Variants in ATRNL1 observed in about 807,000 individuals in gnomAD.
The protein encoded by ATRNL1 is attractin like 1.
Under a neutral mutation model 182.7 loss-of-function variants are expected in ATRNL1, and 95 were observed. The observed-to-expected ratio is 0.52, with a 90% CI of 0.44 to 0.62. ATRNL1 has a LOEUF of 0.62. Ranked by LOEUF, ATRNL1 falls within the 20% of genes least tolerant of loss-of-function variation. The pLI is 0.00. For missense variants in ATRNL1, 1,471 were observed against 1,679.5 expected (o/e 0.88, Z 2.17); for synonymous variants, 576 against 568.3 (o/e 1.01, Z -0.19).
chr10:115,307,255 G>GT (rs1282747721), intron 17 of ATRNL1, among the ~76,000 whole-genome samples: 1 of 151,824 alleles, frequency 6.6e-6, no homozygotes, highest in Non-Finnish European at 1.5e-5. Flanking sequence ...ATTTCACAGG[G>GT]TTTTTTTGTT....
At chr10:115,639,031 C>T (rs1376268819) in intron 26 of ATRNL1, among the ~76,000 whole-genome samples, 2 of 152,042 alleles carry the variant, frequency 1.3e-5, no homozygotes, top group Non-Finnish European at 2.9e-5. Flanking sequence ...AATACAGAAA[C>T]CTACAGGTCC....
At chr10:115,336,982 G>GA (rs527762406) in intron 19 of ATRNL1, among the ~76,000 whole-genome samples, 3 of 146,944 alleles carry the variant, frequency 2.0e-5, no homozygotes, top group Non-Finnish European at 4.4e-5. Context: ...AGTAGCTGGG[G>GA]GGGGGGGACT....
intron 8 of ATRNL1, among the ~76,000 whole-genome samples, chr10:115,172,956 C>T (rs1382888938): frequency 1.3e-5 from 2 of 151,690 alleles, no homozygotes; most frequent in African/African-American, 4.8e-5. Flanking sequence ...GGTCTCGCTC[C>T]CAGCTCTCCT....
rs535266595 is a variant in ATRNL1, at chr10:115,854,462, A to T, written c.4018+6471A>T. Among the ~76,000 whole-genome samples, 72 of 152,300 alleles carry T rather than the reference A, an allele frequency of 4.7e-4. No homozygotes were observed. The Middle Eastern group carries it at 0.01, about 22-fold the overall frequency. ...CTTCATCTGCCCCTTGCCTACAGGC[A>T]TTCCCCCAGGTCTGATCCTTAGCCA... On this transcript the variant is annotated intron_variant, in intron 28 of 28. Coordinates refer to ENST00000355044, the MANE Select transcript of ATRNL1 (RefSeq NM_207303.4).
At chr10:115,754,798 T>A (rs971190107) in intron 27 of ATRNL1, among the ~76,000 whole-genome samples, 1 of 152,228 alleles carries the variant, frequency 6.6e-6, no homozygotes, top group Admixed American at 6.5e-5. Context: ...TTCCTATCCA[T>A]GAGCGTGGAA....
intron 5 of ATRNL1, among the ~76,000 whole-genome samples, 170 bp from the exon 6 acceptor site, chr10:115,159,870 T>A (rs1846696525): frequency 6.6e-6 from 1 of 151,838 alleles, no homozygotes; most frequent in African/African-American, 2.4e-5. Context: ...CTCTAAGCAT[T>A]ACATTTTCTG....
intron 22 of ATRNL1, among the ~76,000 whole-genome samples, chr10:115,463,836 C>T (rs1425100721): frequency 6.6e-6 from 1 of 151,966 alleles, no homozygotes; most frequent in South Asian, 2.1e-4. Context: ...GGAGGTCATT[C>T]TTTACCTTTA....
At chr10:115,329,010 T>G (rs557741697) in intron 18 of ATRNL1, among the ~76,000 whole-genome samples, 54 of 152,190 alleles carry the variant, frequency 3.5e-4, no homozygotes, top group African/African-American at 1.2e-3. Context: ...GATCATATAG[T>G]ATTATATTTT....
chr10:115,339,083 G>A (rs1461267548), intron 19 of ATRNL1, among the ~76,000 whole-genome samples: 1 of 152,094 alleles, frequency 6.6e-6, no homozygotes, highest in Non-Finnish European at 1.5e-5. Context: ...TGAACTATGT[G>A]TCTGTTTTTA....
At chr10:115,520,560 C>T (rs1281703405) in intron 25 of ATRNL1, among the ~76,000 whole-genome samples, 1 of 152,090 alleles carries the variant, frequency 6.6e-6, no homozygotes, top group Non-Finnish European at 1.5e-5. Flanking sequence ...ATAATTTGCC[C>T]AACCACTGAT....
At chr10:115,581,471 C>A (rs1339017406) in intron 26 of ATRNL1, among the ~76,000 whole-genome samples, 1 of 152,070 alleles carries the variant, frequency 6.6e-6, no homozygotes, top group African/African-American at 2.4e-5. Flanking sequence ...ACACTCTGAT[C>A]TAGATGCATA....
At chr10:115,143,922 A>G (rs1205916122) in intron 5 of ATRNL1, among the ~76,000 whole-genome samples, 3 of 152,072 alleles carry the variant, frequency 2.0e-5, no homozygotes, top group African/African-American at 7.2e-5. Flanking sequence ...TTAGGGTTTC[A>G]ACATATAAAT....
In ATRNL1 at chr10:115,574,312, G is replaced by A. The variant is rs1418256991; in HGVS notation, c.3795+24776G>A. On this transcript the variant is annotated intron_variant, in intron 26 of 28. Coordinates refer to ENST00000355044, the MANE Select transcript of ATRNL1 (RefSeq NM_207303.4). ...TATGCAGATATATATATCTACATAT[G>A]TACAAGTAGTTTTGTATATATAAAA... 8.7e-5 allele frequency among the ~76,000 whole-genome samples: 13 copies of A among 149,294 alleles called. No individual in the cohort carries two copies. The Admixed American group carries it at 8.8e-4, about 10-fold the overall frequency.
chr10:115,696,898 A>C (rs1431356229), intron 26 of ATRNL1, among the ~76,000 whole-genome samples: 2 of 147,584 alleles, frequency 1.4e-5, no homozygotes, highest in African/African-American at 2.6e-5. Context: ...AGAGAGAGAG[A>C]GCGAGCGAGC....
At chr10:115,944,595 A>G (rs1555125016) in intron 28 of ATRNL1, 63 bp from the exon 29 acceptor site, 2 of 1,437,862 alleles carry the variant, frequency 1.4e-6, no homozygotes, top group African/African-American at 1.4e-5. Flanking sequence ...GCCCTTCACC[A>G]CCACTGTTGC....
At position 115,611,958 on chromosome 10, in the gene ATRNL1, A is replaced by C. The variant is rs189284985; in HGVS notation, c.3795+62422A>C. Among the ~76,000 whole-genome samples, 266 of 152,212 alleles carry C rather than the reference A, an allele frequency of 1.7e-3. 1 individual carries two copies. Among genetic ancestry groups the C allele is most frequent in the African/African-American group, 6.1e-3 (254 of 41,522 alleles). ...AGGAAGGGGGAATTGGAAAATAAGAAGACAACTGAGGGCCAGCCATGGTGG... is the reference window on the plus strand; with the variant it reads ...AGGAAGGGGGAATTGGAAAATAAGACGACAACTGAGGGCCAGCCATGGTGG... On this transcript the variant is annotated intron_variant, in intron 26 of 28. Transcript: ENST00000355044.
At chr10:115,578,429 T>C (rs945929447) in intron 26 of ATRNL1, among the ~76,000 whole-genome samples, 1 of 151,728 alleles carries the variant, frequency 6.6e-6, no homozygotes, top group Non-Finnish European at 1.5e-5. Context: ...CTTCAATCAC[T>C]TTTTCTGTCA....
chr10:115,475,796 T>C (rs1432472887), intron 24 of ATRNL1, among the ~76,000 whole-genome samples: 1 of 151,338 alleles, frequency 6.6e-6, no homozygotes, highest in Non-Finnish European at 1.5e-5. Flanking sequence ...AAGAGAGCTT[T>C]TTAATCTTCT....
intron 28 of ATRNL1, among the ~76,000 whole-genome samples, chr10:115,873,618 G>C (rs1951634693): frequency 6.6e-6 from 1 of 152,188 alleles, no homozygotes; most frequent in African/African-American, 2.4e-5. Flanking sequence ...AGGGAGGAGT[G>C]AGGACCCTTT....
Sources: gnomAD v4.1 joint callset for allele counts (sites outside exome capture counted in the v4.1 genomes callset) on GRCh38, gnomAD v4.1.1 for gene constraint, MANE v1.5 for transcripts, NCBI Gene and HGNC (gene_info 2026-07-23, HGNC 2026-07-21) for gene names.